The following PODXL variants were observed in gnomAD, a reference collection of about 807,000 sequenced individuals.
The protein encoded by PODXL is podocalyxin.
PODXL carries 20 observed loss-of-function variants against 48.9 expected under a neutral mutation model. The observed-to-expected ratio is 0.41, with a 90% CI of 0.29 to 0.59. The LOEUF (loss-of-function observed/expected upper bound fraction) is 0.59. Among genes scored for constraint, PODXL ranks in the 20% least tolerant of loss-of-function variants. The pLI is 0.31. For missense variants in PODXL, 606 were observed against 675.1 expected (o/e 0.90, Z 1.13); for synonymous variants, 295 against 287.4 (o/e 1.03, Z -0.27).
At chr7:131,540,051 A>C (rs1798449436) in intron 1 of PODXL, among the ~76,000 whole-genome samples, 1 of 151,638 alleles carries the variant, frequency 6.6e-6, no homozygotes, top group African/African-American at 2.4e-5. Flanking sequence ...TTTAATTTTT[A>C]ATCTTTTTAG....
intron 1 of PODXL, among the ~76,000 whole-genome samples, chr7:131,525,540 T>C (rs1798169820): frequency 1.3e-5 from 2 of 150,140 alleles, no homozygotes; most frequent in African/African-American, 4.9e-5. Context: ...GCAGAGGTTG[T>C]AGTGAGCTGA....
At chr7:131,520,482 A>C (rs937866073) in intron 1 of PODXL, 1 of 198,512 alleles carries the variant, frequency 5.0e-6, no homozygotes, top group Non-Finnish European at 1.0e-5. Flanking sequence ...TCAAAAATCT[A>C]TAGACAGTCA....
intron 1 of PODXL, among the ~76,000 whole-genome samples, chr7:131,532,104 A>AAAT (rs34353284): frequency 0.31 from 42,515 of 136,354 alleles, 7,163 homozygotes; most frequent in East Asian, 0.43. Context: ...CTCCATCTCA[A>AAAT]AATAATAATA....
chr7:131,529,113 G>T (rs1798232815), intron 1 of PODXL, among the ~76,000 whole-genome samples: 1 of 152,124 alleles, frequency 6.6e-6, no homozygotes, highest in Admixed American at 6.5e-5. Flanking sequence ...AGAGGCCAGG[G>T]TATTTCATTG....
intron 2 of PODXL, 81 bp downstream of exon 2, chr7:131,510,747 C>T (rs538097726): frequency 1.6e-5 from 25 of 1,552,478 alleles, no homozygotes; most frequent in African/African-American, 2.7e-5. Flanking sequence ...GCTGGGATTA[C>T]AAGGCATGAG....
intron 1 of PODXL, among the ~76,000 whole-genome samples, chr7:131,554,120 G>T (rs1290972309): frequency 2.0e-5 from 3 of 152,110 alleles, no homozygotes; most frequent in African/African-American, 4.8e-5. Context: ...GCAGATGGGG[G>T]GCAGTGTTTA....
chr7:131,534,911 C>A (rs1798345519), intron 1 of PODXL, among the ~76,000 whole-genome samples: 1 of 151,908 alleles, frequency 6.6e-6, no homozygotes, highest in South Asian at 2.1e-4. Context: ...AAAAAATTAG[C>A]TGGGTGTGCT....
chr7:131,533,295 C>T (rs1798313623), intron 1 of PODXL, among the ~76,000 whole-genome samples: 1 of 152,180 alleles, frequency 6.6e-6, no homozygotes. Context: ...CTCTGGGTAG[C>T]AGGACGGCAC....
intron 1 of PODXL, among the ~76,000 whole-genome samples, chr7:131,543,878 G>A (rs1798522198): frequency 6.6e-6 from 1 of 152,120 alleles, no homozygotes; most frequent in African/African-American, 2.4e-5. Context: ...GCCCCCTCCA[G>A]CCATTCCCAA....
intron 2 of PODXL, 60 bp downstream of exon 2, chr7:131,510,768 G>A: frequency 6.2e-7 from 1 of 1,600,128 alleles, no homozygotes; most frequent in South Asian, 1.1e-5. Context: ...CCTTTTCAGA[G>A]CCATCACGCC....
At chr7:131,504,607 A>T in intron 8 of PODXL, 99 bp from the exon 9 acceptor site, 1 of 977,898 alleles carries the variant, frequency 1.0e-6, no homozygotes. Context: ...GCCCCACTGT[A>T]GCTAAAGCAG....
chr7:131,554,250 T>A (rs1643257), intron 1 of PODXL, among the ~76,000 whole-genome samples: 1 of 151,816 alleles, frequency 6.6e-6, no homozygotes, highest in Non-Finnish European at 1.5e-5. Context: ...AACAGACCAA[T>A]CTTGCCGCAA....
chr7:131,518,607 T>C (rs921418797), intron 1 of PODXL, among the ~76,000 whole-genome samples: 11 of 152,238 alleles, frequency 7.2e-5, no homozygotes, highest in Non-Finnish European at 1.5e-4. Context: ...TCCTGCTTCA[T>C]TATTTAGCCC....
intron 1 of PODXL, among the ~76,000 whole-genome samples, chr7:131,525,073 G>A (rs1288637011): frequency 6.6e-6 from 1 of 152,220 alleles, no homozygotes; most frequent in Admixed American, 6.5e-5. Context: ...AGAGGTTGAG[G>A]GAACTGGGAG....
rs1231978168 is a variant in PODXL, at chr7:131,556,528, C to T, written c.-169G>A. The T allele has an allele frequency of 7.9e-5, 61 of 774,878 alleles. No homozygotes were observed. The South Asian group carries it at 3.0e-3, about 38-fold the overall frequency. The allele number at this position is 774,878 out of a possible 1,614,324, so 48.0% of individuals were successfully genotyped here. A position where few individuals can be genotyped will look rare whatever the true frequency, so the allele number is the denominator to read the frequency against. On this transcript the variant is annotated 5_prime_UTR_variant, in exon 1 of 9. Coordinates refer to ENST00000378555, the MANE Select transcript of PODXL (RefSeq NM_001018111.3). ...GCGCTGCGGCGGCTCTTCCTCCCTG[C>T]CGCTGCAGCAGAGCCGGGCTGGGGC...
At chr7:131,545,853 A>T (rs1798566880) in intron 1 of PODXL, among the ~76,000 whole-genome samples, 2 of 152,254 alleles carry the variant, frequency 1.3e-5, no homozygotes, top group Non-Finnish European at 2.9e-5. Flanking sequence ...AAATGTTCTT[A>T]CTGGACACAG....
At position 131,517,970 on chromosome 7, in the gene PODXL, C is replaced by T. The variant is rs533280226; in HGVS notation, c.101-6537G>A. Among the ~76,000 whole-genome samples the T allele has an allele frequency of 3.3e-5, 5 of 152,288 alleles. No homozygotes were observed. The East Asian group carries it at 9.7e-4, about 29-fold the overall frequency. ...GCCAGGCTGGTCTCGAACTCCTGAC[C>T]TCAGGCGATCCACCCTGCTCAGCCT... On this transcript the variant is annotated intron_variant, in intron 1 of 8. Coordinates refer to ENST00000378555, the MANE Select transcript of PODXL (RefSeq NM_001018111.3).
rs765690626 is a variant in PODXL at position 131,511,294 on chromosome 7, C to T, written c.240G>A (p.Ala80=). The change falls in exon 2 of 9, where the codon GCG becomes GCA. Residue 80 remains alanine, a synonymous_variant. Coordinates refer to ENST00000378555, the MANE Select transcript of PODXL (RefSeq NM_001018111.3). ...AGTCACTGGATACACCAAGGGTGGT[C>T]GCCTTGACCGAGGCCAAGATTTCGT... The part of the protein sequence containing the change: ...KANEILASVK[A]TTLGVSSDSP... The T allele has an allele frequency of 8.1e-6, 13 of 1,613,754 alleles. No individual in the cohort carries two copies. Among genetic ancestry groups the T allele is most frequent in the Middle Eastern group, 3.3e-4 (2 of 6,084 alleles).
intron 1 of PODXL, among the ~76,000 whole-genome samples, chr7:131,532,056 C>A (rs140218137): frequency 6.7e-6 from 1 of 149,830 alleles, no homozygotes; most frequent in East Asian, 2.0e-4. Flanking sequence ...AGCTGGAGAT[C>A]GTGCTATTGC....
Sources: allele counts gnomAD v4.1 joint callset (sites outside exome capture counted in the v4.1 genomes callset), GRCh38; gene constraint gnomAD v4.1.1; transcripts MANE v1.5; gene names NCBI Gene and HGNC (gene_info 2026-07-23, HGNC 2026-07-21).